Variants in EEF2K observed in about 807,000 individuals in gnomAD.
The protein encoded by EEF2K is eukaryotic elongation factor 2 kinase, also known as alternative protein EEF2K.
In EEF2K, 70 loss-of-function variants were observed where a neutral mutation model predicts 93.8. The ratio of observed to expected loss-of-function variants is 0.75; its 90% CI spans 0.62 to 0.91. EEF2K has a LOEUF of 0.91. EEF2K is among the 40% of genes least tolerant of loss of function. The pLI is 0.00. For synonymous variants in EEF2K, 376 were observed against 380.8 expected (o/e 0.99, Z 0.15); for missense variants, 935 against 972.9 (o/e 0.96, Z 0.52).
intron 2 of EEF2K, among the ~76,000 whole-genome samples, chr16:22,233,136 T>G (rs1401128704): frequency 2.6e-5 from 4 of 152,186 alleles, no homozygotes; most frequent in Non-Finnish European, 5.9e-5. Flanking sequence ...CGTGGGAAAG[T>G]GCCTCTGCTC....
chr16:22,273,407 G>A (rs748568100), intron 15 of EEF2K, among the ~76,000 whole-genome samples: 24 of 152,088 alleles, frequency 1.6e-4, no homozygotes, highest in Non-Finnish European at 2.4e-4. Context: ...CTTATGAAAA[G>A]CTGTTTTCCC....
rs528737993 is a variant in EEF2K at position 22,235,659 on chromosome 16, G to A, written c.247-8971G>A. ...ATTACAGGCATGCACCACCACGCCT[G>A]ACTAATTTTGCATTTTTTAGTGGAG... On this transcript the variant is annotated intron_variant, in intron 2 of 17. Coordinates refer to ENST00000263026, the MANE Select transcript of EEF2K (RefSeq NM_013302.5). Among the ~76,000 whole-genome samples the A allele has an allele frequency of 6.4e-4, 97 of 152,242 alleles. 2 individuals are homozygous for A. In the South Asian group the frequency reaches 0.019, roughly 30 times the overall value.
intron 2 of EEF2K, among the ~76,000 whole-genome samples, chr16:22,240,101 CAAAAAAAAAAA>C (rs765234012): frequency 1.7e-5 from 1 of 58,306 alleles, no homozygotes; most frequent in African/African-American, 6.2e-5. Context: ...GACTCCATCT[CAAAAAAAAAAA>C]AAAAAAAAAG....
intron 16 of EEF2K, among the ~76,000 whole-genome samples, chr16:22,274,719 C>T (rs1218700712): frequency 3.3e-5 from 5 of 151,990 alleles, no homozygotes; most frequent in Admixed American, 2.6e-4. Flanking sequence ...GCAGTCCTCC[C>T]GCCTCAGCCT....
At chr16:22,217,160 CAAAAAAAAAAAA>C (rs59262131) in intron 1 of EEF2K, among the ~76,000 whole-genome samples, 6 of 76,500 alleles carry the variant, frequency 7.8e-5, no homozygotes, top group Admixed American at 7.5e-4. Flanking sequence ...GACCCTGTCT[CAAAAAAAAAAAA>C]AAAAAAAAAA....
At position 22,251,397 on chromosome 16, in the gene EEF2K, T is replaced by C. The variant is rs577950310; in HGVS notation, c.618+75T>C. 3.0e-4 allele frequency: 451 copies of C among 1,509,970 alleles called. 2 individuals are homozygous for C. In the African/African-American group the frequency reaches 6.0e-3, roughly 20 times the overall value. 93.5% of individuals were successfully genotyped at this position (1,509,970 alleles called of 1,614,324 possible). On this transcript the variant is annotated intron_variant, in intron 6 of 17. Coordinates refer to ENST00000263026, the MANE Select transcript of EEF2K (RefSeq NM_013302.5). Reference sequence around the variant, plus strand: ...CAGTGTCTGGGAAAGAGGGCCATGGTGAATCCCTATTTCACCTTCTTTTTT... The same window carrying C: ...CAGTGTCTGGGAAAGAGGGCCATGGCGAATCCCTATTTCACCTTCTTTTTT...
chr16:22,239,547 A>G (rs971404147), intron 2 of EEF2K, among the ~76,000 whole-genome samples: 28 of 152,292 alleles, frequency 1.8e-4, no homozygotes, highest in African/African-American at 5.8e-4. Flanking sequence ...GTGGTGGCTC[A>G]TGCCTGTAAT....
At position 22,229,000 on chromosome 16, in the gene EEF2K, A is replaced by G. The variant is rs529284021; in HGVS notation, c.246+3025A>G. 2.6e-5 allele frequency among the ~76,000 whole-genome samples: 4 copies of G among 152,184 alleles called. No individual in the cohort carries two copies. In the South Asian group the frequency reaches 8.3e-4, roughly 32 times the overall value. On this transcript the variant is annotated intron_variant, in intron 2 of 17. Coordinates refer to ENST00000263026, the MANE Select transcript of EEF2K (RefSeq NM_013302.5). ...TTACTTATTTTATTTTCCTTCCACA[A>G]TGGTGGTGCATGCCTGTAGTCCCAG...
intron 1 of EEF2K, among the ~76,000 whole-genome samples, chr16:22,211,498 T>C (rs952690047): frequency 1.3e-5 from 2 of 152,148 alleles, no homozygotes; most frequent in African/African-American, 4.8e-5. Flanking sequence ...CTTGCCCTGC[T>C]GCCCAGGCTG....
chr16:22,211,995 C>T (rs544253136), intron 1 of EEF2K, among the ~76,000 whole-genome samples: 55 of 151,854 alleles, frequency 3.6e-4, no homozygotes, highest in Non-Finnish European at 6.9e-4. Context: ...AGAAGTGAGA[C>T]GTGCTGTATC....
At chr16:22,226,350 T>A (rs1050429621) in intron 2 of EEF2K, among the ~76,000 whole-genome samples, 1 of 132,830 alleles carries the variant, frequency 7.5e-6, no homozygotes, top group Non-Finnish European at 1.6e-5. Flanking sequence ...TTTTTTTTTT[T>A]AAAGAAATGG....
chr16:22,236,874 G>A (rs1438756091), intron 2 of EEF2K, among the ~76,000 whole-genome samples: 1 of 147,710 alleles, frequency 6.8e-6, no homozygotes, highest in Admixed American at 6.8e-5. Context: ...AAGAACCACA[G>A]CCTTTCTATT....
intron 1 of EEF2K, among the ~76,000 whole-genome samples, chr16:22,217,181 A>T (rs2046965543): frequency 7.0e-6 from 1 of 142,608 alleles, no homozygotes; most frequent in Admixed American, 7.0e-5. Flanking sequence ...AAAAAAAAAA[A>T]AAGAATCAGG....
At position 22,251,193 on chromosome 16, in the gene EEF2K, C is replaced by A. The variant is rs2303186; in HGVS notation, c.489C>A (p.Gly163=). Residue 163 remains glycine (G), a synonymous_variant, in exon 6 of 18, where the codon GGC becomes GGA. Transcript: ENST00000263026. ...TCTTGCATGCCCAGCAGTGGAAGGG[C>A]GCCTCCAACTACGTGGCGAAGCGCT... The part of the protein sequence containing the change: ...SNFLHAQQWK[G]ASNYVAKRYI... 0.33 allele frequency: 529,509 copies of A among 1,613,656 alleles called. 96,935 individuals carry two copies. The highest frequency in any genetic ancestry group is 0.84 in the East Asian group (37,623 of 44,816).
chr16:22,268,600 C>T (rs951777771), intron 15 of EEF2K, among the ~76,000 whole-genome samples: 2 of 151,614 alleles, frequency 1.3e-5, no homozygotes, highest in African/African-American at 2.4e-5. Context: ...CTGAGTAGCT[C>T]GGACTATAGG....
chr16:22,225,624 C>G, intron 1 of EEF2K, 30 bp from the exon 2 acceptor site: 1 of 1,514,806 alleles, frequency 6.6e-7, no homozygotes, highest in South Asian at 1.3e-5. Flanking sequence ...GGCCCCAGCA[C>G]CCACTCTCTG....
intron 3 of EEF2K, among the ~76,000 whole-genome samples, chr16:22,247,023 G>C (rs1324803458): frequency 5.2e-5 from 6 of 115,240 alleles, no homozygotes; most frequent in African/African-American, 2.1e-4. Context: ...GGGTGACAGA[G>C]CGAGACTCCA....
At position 22,250,636 on chromosome 16, in the gene EEF2K, C is replaced by T. The variant is rs1429654274; in HGVS notation, c.409-18C>T. ...GTGGGGCATGGGGACTGATAACACT[C>T]TGTGTGGTGTCTTTCAGCCCTTCGG... On this transcript the variant is annotated intron_variant, in intron 4 of 17. Coordinates refer to ENST00000263026, the MANE Select transcript of EEF2K (RefSeq NM_013302.5). 4.3e-6 allele frequency: 7 copies of T among 1,614,200 alleles called. No homozygotes were observed. The highest frequency in any genetic ancestry group is 5.9e-6 in the Non-Finnish European group (7 of 1,180,034).
At chr16:22,261,046 C>A (rs558659729) in intron 11 of EEF2K, among the ~76,000 whole-genome samples, 1 of 152,078 alleles carries the variant, frequency 6.6e-6, no homozygotes, top group East Asian at 1.9e-4. Flanking sequence ...AATTATAATA[C>A]TCTCTATGCT....
Sources: gnomAD v4.1 joint callset for allele counts (sites outside exome capture counted in the v4.1 genomes callset) on GRCh38, gnomAD v4.1.1 for gene constraint, MANE v1.5 for transcripts, NCBI Gene and HGNC (gene_info 2026-07-23, HGNC 2026-07-21) for gene names.